The following POP1 variants were observed in gnomAD, a reference collection of about 807,000 sequenced individuals.
The protein encoded by POP1 is POP1 ribonuclease P/MRP subunit, also known as ribonucleases P/MRP protein subunit POP1.
In POP1, 75 loss-of-function variants were observed where a neutral mutation model predicts 102.2. That is an observed-to-expected ratio of 0.73 (90% CI 0.61 to 0.89). The LOEUF is 0.89. Among genes scored for constraint, POP1 ranks in the 40% least tolerant of loss-of-function variants. The pLI, the probability that POP1 is intolerant of heterozygous loss-of-function variation, is 0.00. For missense variants in POP1, 1,116 were observed against 1,267.4 expected (o/e 0.88, Z 1.81); for synonymous variants, 436 against 464.1 (o/e 0.94, Z 0.78).
rs754816140 is a variant in POP1 at position 98,140,856 on chromosome 8, C to A, written c.1562C>A (p.Ser521Tyr). The change falls in exon 11 of 16, where the codon TCC (serine) becomes TAC (tyrosine). Residue 521 changes from serine to tyrosine, a missense_variant. Coordinates refer to ENST00000401707, the MANE Select transcript of POP1 (RefSeq NM_001145860.2). ...CGAATAAATTTGCCCCAAAAGAAGTCCAAAGCTTTGCCCAATCCAGAAAAA... is the reference window on the plus strand; with the variant it reads ...CGAATAAATTTGCCCCAAAAGAAGTACAAAGCTTTGCCCAATCCAGAAAAA... ...DPRINLPQKK[S>Y]KALPNPEKCQ... 1 of 1,614,032 alleles carries A rather than the reference C, an allele frequency of 6.2e-7. No homozygotes were observed.
intron 9 of POP1, among the ~76,000 whole-genome samples, chr8:98,138,808 C>T (rs1393974159): frequency 1.3e-5 from 2 of 150,846 alleles, no homozygotes; most frequent in Non-Finnish European, 2.9e-5. Flanking sequence ...GCTGTGCTAC[C>T]TGAGTTTCTG....
chr8:98,128,349 T>A lies in POP1; in HGVS notation c.311-16T>A. On this transcript the variant is annotated splice_polypyrimidine_tract_variant and intron_variant, in intron 3 of 15. Transcript: ENST00000401707. The stretch of plus-strand genomic sequence containing the variant: ...TCAAGATTGGTGTTTAATGACTTTG[T>A]CATCTCCTTCAACAGCTTCTACTTT... 3 of 1,613,212 alleles carry A rather than the reference T, an allele frequency of 1.9e-6. No homozygotes were observed. The highest frequency in any genetic ancestry group is 2.5e-6 in the Non-Finnish European group (3 of 1,179,622).
At chr8:98,154,939 T>G (rs1809609773) in intron 14 of POP1, among the ~76,000 whole-genome samples, 1 of 152,198 alleles carries the variant, frequency 6.6e-6, no homozygotes, top group Non-Finnish European at 1.5e-5. Context: ...TGCTGCTATT[T>G]GTATAAAAAT....
Position 98,158,271 on chromosome 8 carries a change from A to G in POP1, c.3075A>G (p.Ter1025TrpextTer11). The G allele has an allele frequency of 6.2e-7, 1 of 1,608,094 alleles. No homozygotes were observed. The highest frequency in any genetic ancestry group is 1.1e-5 in the South Asian group (1 of 91,016). ...TTGCGAGGATTGCTATTGAGGTGTG[A>G]ATGCGTGCTTGTATCCCAGCAGGGC... ...YRFARIAIEV[*>W] The change falls in exon 16 of 16, where the codon TGA becomes TGG. Residue 1025 changes from the stop codon to tryptophan, a stop_lost. Transcript: ENST00000401707.
intron 9 of POP1, among the ~76,000 whole-genome samples, chr8:98,139,150 C>T (rs907454152): frequency 3.3e-5 from 5 of 152,184 alleles, no homozygotes; most frequent in African/African-American, 1.2e-4. Context: ...TGCACCCGGC[C>T]ATGATTGCTT....
In POP1 at chr8:98,128,441, A is replaced by T. The variant is rs1586230617; in HGVS notation, c.387A>T (p.Ser129=). 5 of 1,614,100 alleles carry T rather than the reference A, an allele frequency of 3.1e-6. No individual in the cohort carries two copies. The East Asian group carries it at 1.1e-4, about 36-fold the overall frequency. The change falls in exon 4 of 16, where the codon TCA becomes TCT. Residue 129 remains serine, a synonymous_variant. Transcript: ENST00000401707. ...LKAVTQKSSN[S]LVFQTLPRHM... ...CTGTGACCCAGAAGTCTTCGAATTC[A>T]CTGGTTTTTCAGACTCTGCCACGGC...
chr8:98,155,946 T>A, intron 14 of POP1, 104 bp from the exon 15 acceptor site: 1 of 917,132 alleles, frequency 1.1e-6, no homozygotes, highest in Non-Finnish European at 1.7e-6. Flanking sequence ...TGTGTGTGTG[T>A]GTGTGTGTGT....
At chr8:98,139,846 A>G (rs1323646042) in intron 9 of POP1, among the ~76,000 whole-genome samples, 1 of 152,224 alleles carries the variant, frequency 6.6e-6, no homozygotes. Context: ...TTTTCTTCAT[A>G]TGTGAAATCT....
At chr8:98,118,973 A>G (rs1309768430) in intron 1 of POP1, among the ~76,000 whole-genome samples, 1 of 152,166 alleles carries the variant, frequency 6.6e-6, no homozygotes, top group Non-Finnish European at 1.5e-5. Context: ...TTCTTCATTT[A>G]TAAGATGAGA....
rs949110571 is a variant in POP1 at position 98,131,000 on chromosome 8, G to A, written c.735+774G>A. Among the ~76,000 whole-genome samples, 8 of 152,310 alleles carry A rather than the reference G, an allele frequency of 5.3e-5. No homozygotes were observed. The East Asian group carries it at 1.5e-3, about 29-fold the overall frequency. ...TTTGCAGAAGGGCCTATCTTTCAGT[G>A]GCAGAATGGCCTTGGCCAAATTTTG... On this transcript the variant is annotated intron_variant, in intron 5 of 15. Coordinates refer to ENST00000401707, the MANE Select transcript of POP1 (RefSeq NM_001145860.2).
chr8:98,127,754 A>T lies in POP1; in HGVS notation c.302A>T (p.Tyr101Phe). 1 of 1,613,854 alleles carries T rather than the reference A, an allele frequency of 6.2e-7. No homozygotes were observed. Among genetic ancestry groups the T allele is most frequent in the Non-Finnish European group, 8.5e-7 (1 of 1,179,802 alleles). The change falls in exon 3 of 16, where the codon TAT becomes TTT. Residue 101 changes from tyrosine to phenylalanine, a missense_variant. By Grantham distance (22) the Tyr-to-Phe change is conservative (BLOSUM62 3). Transcript: ENST00000401707. ...PEGTSQEIPK[Y>F]ITASTFAQAR... is the part of the protein sequence containing the mutation. ...GGCACGTCTCAGGAGATCCCCAAGT[A>T]TATAACTGGTGGGTACTCATAAAGA...
chr8:98,139,996 TG>T, intron 9 of POP1, 81 bp from the exon 10 acceptor site: 1 of 1,032,028 alleles, frequency 9.7e-7, no homozygotes, highest in Non-Finnish European at 1.5e-6. Context: ...GAAGAAAGAG[TG>T]GGGGCTGATA....
chr8:98,142,140 A>G (rs1816722142), intron 11 of POP1, among the ~76,000 whole-genome samples: 1 of 152,170 alleles, frequency 6.6e-6, no homozygotes, highest in African/African-American at 2.4e-5. Flanking sequence ...TGAAGCTATA[A>G]ACTCTACTTA....
chr8:98,149,912 G>A (rs548501318), intron 13 of POP1, among the ~76,000 whole-genome samples: 1 of 152,196 alleles, frequency 6.6e-6, no homozygotes, highest in Admixed American at 6.5e-5. Flanking sequence ...TAATCATTCA[G>A]GAGTAGGAAT....
At position 98,148,824 on chromosome 8, in the gene POP1, C is replaced by G; in HGVS notation, c.1720C>G (p.Arg574Gly). 6.2e-7 allele frequency: 1 copy of G among 1,612,374 alleles called. No homozygotes were observed. The highest frequency in any genetic ancestry group is 8.5e-7 in the Non-Finnish European group (1 of 1,178,982). The change falls in exon 13 of 16, where the codon CGG becomes GGG. Residue 574 changes from arginine (R) to glycine (G), a missense_variant. Coordinates refer to ENST00000401707, the MANE Select transcript of POP1 (RefSeq NM_001145860.2). Reference sequence around the variant, plus strand: ...TTTTCTTCCACTTTAGGATTTAAACCGGATGAGGAGTGAATTGCTGGTGCC... The same window carrying G: ...TTTTCTTCCACTTTAGGATTTAAACGGGATGAGGAGTGAATTGCTGGTGCC... ...ENKISDQDLN[R>G]MRSELLVPGS...
intron 10 of POP1, among the ~76,000 whole-genome samples, chr8:98,140,540 A>G (rs931186563): frequency 9.9e-5 from 15 of 152,224 alleles, no homozygotes; most frequent in African/African-American, 3.6e-4. Context: ...TTCATTTCAT[A>G]AAAGAACCTT....
intron 1 of POP1, among the ~76,000 whole-genome samples, chr8:98,120,302 G>T (rs1815973759): frequency 6.6e-6 from 1 of 152,174 alleles, no homozygotes; most frequent in African/African-American, 2.4e-5. Flanking sequence ...TCATTTAGTT[G>T]AAATTAGTGG....
In POP1 at chr8:98,136,946, G is replaced by C. The variant is rs1247281695; in HGVS notation, c.1354G>C (p.Val452Leu). 1 of 1,601,442 alleles carries C rather than the reference G, an allele frequency of 6.2e-7. No individual in the cohort carries two copies. The highest frequency in any genetic ancestry group is 1.3e-5 in the African/African-American group (1 of 74,730). Residue 452 changes from valine (V) to leucine (L), a missense_variant, in exon 9 of 16, where the codon GTC (valine) becomes CTC (leucine). Transcript: ENST00000401707. ...ILTEAIKAAS[V>L]HTVGEDTEET... ...AACTGAAGCAATAAAAGCTGCTTCT[G>C]TCCACACTGTAAGAGTAAAAGTGAC...
chr8:98,125,179 GTT>G (rs748014497), intron 2 of POP1, among the ~76,000 whole-genome samples: 8 of 102,274 alleles, frequency 7.8e-5, no homozygotes, highest in African/African-American at 2.5e-4. Flanking sequence ...TTTACAGACA[GTT>G]TTTTTTTTTT....
Sources: gnomAD v4.1 joint callset for allele counts (sites outside exome capture counted in the v4.1 genomes callset) on GRCh38, gnomAD v4.1.1 for gene constraint, MANE v1.5 for transcripts, NCBI Gene and HGNC (gene_info 2026-07-23, HGNC 2026-07-21) for gene names.